The following CNTN5 variants were observed in gnomAD, a reference collection of about 807,000 sequenced individuals.
CNTN5 encodes contactin-5.
In CNTN5, 77 loss-of-function variants were observed where a neutral mutation model predicts 129.1. The observed-to-expected ratio is 0.60, with a 90% CI of 0.50 to 0.72. CNTN5 has a LOEUF of 0.72. Ranked by LOEUF, CNTN5 falls within the 30% of genes least tolerant of loss-of-function variation. The pLI is 0.00. For synonymous variants in CNTN5, 509 were observed against 465.6 expected (o/e 1.09, Z -1.20); for missense variants, 1,478 against 1,328.8 (o/e 1.11, Z -1.75).
chr11:99,544,041 A>G (rs1007277050), intron 2 of CNTN5, among the ~76,000 whole-genome samples: 1 of 152,090 alleles, frequency 6.6e-6, no homozygotes, highest in African/African-American at 2.4e-5. Flanking sequence ...GAATACCTGA[A>G]GTTGCATAAT....
chr11:100,049,989 G>C (rs1231706064), intron 9 of CNTN5, among the ~76,000 whole-genome samples: 1 of 152,166 alleles, frequency 6.6e-6, no homozygotes, highest in South Asian at 2.1e-4. Flanking sequence ...GTGCTGGAGA[G>C]GATGTGGAGA....
chr11:100,043,730 C>A (rs534227507), intron 9 of CNTN5, among the ~76,000 whole-genome samples: 3 of 152,106 alleles, frequency 2.0e-5, no homozygotes, highest in Admixed American at 6.6e-5. Flanking sequence ...CACATGTCAT[C>A]TTTTCTGGGC....
rs1207620302 is a variant in CNTN5, at chr11:99,305,256, T to C, written c.-209-20090T>C. The stretch of plus-strand genomic sequence containing the variant: ...AGATAAAAAAGAATACATGAATAAA[T>C]CACTCAGTAAAGTGTAAAGTGTCAT... On this transcript the variant is annotated intron_variant, in intron 1 of 24. Coordinates refer to ENST00000524871, the MANE Select transcript of CNTN5 (RefSeq NM_014361.4). Among the ~76,000 whole-genome samples, 3 of 152,178 alleles carry C rather than the reference T, an allele frequency of 2.0e-5. No individual in the cohort carries two copies. The East Asian group carries it at 5.8e-4, about 29-fold the overall frequency.
At chr11:99,449,024 T>A (rs1244868490) in intron 2 of CNTN5, among the ~76,000 whole-genome samples, 1 of 151,970 alleles carries the variant, frequency 6.6e-6, no homozygotes, top group East Asian at 1.9e-4. Context: ...CTCAAGCGAT[T>A]CGCCTGTCTT....
chr11:99,619,495 CATCT>C (rs1278289324), intron 3 of CNTN5, among the ~76,000 whole-genome samples: 2 of 151,904 alleles, frequency 1.3e-5, no homozygotes, highest in African/African-American at 2.4e-5. Flanking sequence ...CTGTCATCAC[CATCT>C]ATCTCCAGAA....
At chr11:99,893,995 A>G (rs1244337366) in intron 6 of CNTN5, among the ~76,000 whole-genome samples, 1 of 151,338 alleles carries the variant, frequency 6.6e-6, no homozygotes, top group Non-Finnish European at 1.5e-5. Context: ...CTGCCTTGCC[A>G]GGGTTTTTTT....
intron 17 of CNTN5, among the ~76,000 whole-genome samples, chr11:100,266,321 G>A (rs1039437748): frequency 5.9e-5 from 9 of 152,040 alleles, no homozygotes; most frequent in East Asian, 1.9e-4. Flanking sequence ...ACTGTCTTTC[G>A]TTGCTGTCAT....
rs535613332 is a variant in CNTN5 at position 99,073,551 on chromosome 11, C to T, written c.-210+52281C>T. Among the ~76,000 whole-genome samples, 4 of 151,792 alleles carry T rather than the reference C, an allele frequency of 2.6e-5. No homozygotes were observed. In the East Asian group the frequency reaches 7.8e-4, roughly 30 times the overall value. ...GTCCTAATGCTTTCCCTCCCCTTGT[C>T]CCCCCATCCCCTGACAGGCCATGGT... is the stretch of plus-strand genomic sequence containing the variant. On this transcript the variant is annotated intron_variant, in intron 1 of 24. Transcript: ENST00000524871.
intron 9 of CNTN5, among the ~76,000 whole-genome samples, chr11:100,016,321 A>C (rs547740352): frequency 6.6e-6 from 1 of 152,208 alleles, no homozygotes; most frequent in Admixed American, 6.6e-5. Flanking sequence ...AGTTTTATCT[A>C]TCTCTGTAAT....
chr11:100,115,599 C>T (rs1672077144), intron 13 of CNTN5, among the ~76,000 whole-genome samples: 1 of 151,890 alleles, frequency 6.6e-6, no homozygotes, highest in South Asian at 2.1e-4. Context: ...AAATAGGACA[C>T]CTCTGTCTTC....
chr11:100,193,264 C>A (rs1184594121), intron 14 of CNTN5, among the ~76,000 whole-genome samples: 2 of 151,910 alleles, frequency 1.3e-5, no homozygotes, highest in Non-Finnish European at 1.5e-5. Context: ...ATCCAAGTCA[C>A]ATTCTTAATA....
At chr11:99,948,210 C>G (rs1950595533) in intron 7 of CNTN5, among the ~76,000 whole-genome samples, 1 of 152,164 alleles carries the variant, frequency 6.6e-6, no homozygotes. Context: ...AATATTTGGA[C>G]AACTCTGTAA....
intron 16 of CNTN5, among the ~76,000 whole-genome samples, chr11:100,253,682 T>G (rs1401434752): frequency 6.6e-6 from 1 of 152,142 alleles, no homozygotes; most frequent in East Asian, 1.9e-4. Flanking sequence ...TTAGACATCT[T>G]CTTCAACACC....
chr11:99,061,859 TCA>T (rs1352865896), intron 1 of CNTN5, among the ~76,000 whole-genome samples: 1 of 151,752 alleles, frequency 6.6e-6, no homozygotes, highest in Non-Finnish European at 1.5e-5. Context: ...GGGCATGGTG[TCA>T]CACATCTGTA....
chr11:100,091,756 A>G (rs1416235307), intron 13 of CNTN5, among the ~76,000 whole-genome samples: 1 of 151,970 alleles, frequency 6.6e-6, no homozygotes, highest in Admixed American at 6.6e-5. Flanking sequence ...TGTCTCACTA[A>G]CTAAAATTGA....
chr11:99,243,840 C>T (rs74322623), intron 1 of CNTN5, among the ~76,000 whole-genome samples: 1 of 150,420 alleles, frequency 6.6e-6, no homozygotes, highest in Non-Finnish European at 1.5e-5. Context: ...TTTCTTTTGC[C>T]AGTACCAGGC....
rs1023458641 is a variant in CNTN5, at chr11:99,359,253, C to G, written c.-71+33769C>G. The stretch of plus-strand genomic sequence containing the variant: ...AAACTGTAAACGGCAGTACAACCAA[C>G]TCTATATGTCCTTATAACCTTCTAT... On this transcript the variant is annotated intron_variant, in intron 2 of 24. Coordinates refer to ENST00000524871, the MANE Select transcript of CNTN5 (RefSeq NM_014361.4). Among the ~76,000 whole-genome samples, 3 of 152,092 alleles carry G rather than the reference C, an allele frequency of 2.0e-5. No homozygotes were observed. The East Asian group carries it at 5.8e-4, about 29-fold the overall frequency.
chr11:100,210,754 A>G (rs558183748), intron 15 of CNTN5, among the ~76,000 whole-genome samples: 1 of 152,326 alleles, frequency 6.6e-6, no homozygotes, highest in East Asian at 1.9e-4. Flanking sequence ...TGTGAACCCC[A>G]TCAACGTCCT....
At chr11:99,220,155 G>A (rs938699251) in intron 1 of CNTN5, among the ~76,000 whole-genome samples, 2 of 151,762 alleles carry the variant, frequency 1.3e-5, no homozygotes, top group East Asian at 1.9e-4. Flanking sequence ...TTCTAAGCTC[G>A]TTTACACTGG....
Sources: allele counts gnomAD v4.1 joint callset (sites outside exome capture counted in the v4.1 genomes callset), GRCh38; gene constraint gnomAD v4.1.1; transcripts MANE v1.5; gene names NCBI Gene and HGNC (gene_info 2026-07-23, HGNC 2026-07-21).